Variants in BABAM2 observed in about 807,000 individuals in gnomAD.
The protein encoded by BABAM2 is BRISC and BRCA1 A complex member 2, also known as BRISC and BRCA1-A complex member 2.
Under a neutral mutation model 54.7 loss-of-function variants are expected in BABAM2, and 31 were observed. The observed-to-expected ratio is 0.57, with a 90% CI of 0.43 to 0.77. BABAM2 has a LOEUF of 0.77. BABAM2 is among the 30% of genes least tolerant of loss of function. The probability of loss-of-function intolerance (pLI) is 0.00; values close to 1 mark genes in which losing one functional copy is unlikely to be tolerated. For synonymous variants in BABAM2, 167 were observed against 162.9 expected, an observed-to-expected ratio of 1.03 and a Z score of -0.19; for missense variants, 364 against 455.8, an observed-to-expected ratio of 0.80 and a Z score of 1.83.
intron 3 of BABAM2, among the ~76,000 whole-genome samples, chr2:27,968,594 G>A (rs138345241): frequency 2.4e-3 from 363 of 152,290 alleles, no homozygotes; most frequent in African/African-American, 8.2e-3. Flanking sequence ...CCCCAGAATG[G>A]TAGATCCACT....
intron 11 of BABAM2, among the ~76,000 whole-genome samples, chr2:28,299,325 A>G (rs917647641): frequency 5.9e-5 from 9 of 152,246 alleles, no homozygotes; most frequent in Admixed American, 3.3e-4. Context: ...ATATAGAAAT[A>G]TGCTGAGTGT....
At chr2:28,201,014 T>C (rs999013493) in intron 7 of BABAM2, among the ~76,000 whole-genome samples, 24 of 152,140 alleles carry the variant, frequency 1.6e-4, no homozygotes, top group South Asian at 2.1e-4. Flanking sequence ...CAAGTGATCC[T>C]CCCACCTCGG....
At chr2:28,187,419 CAGG>C (rs1676429469) in intron 7 of BABAM2, among the ~76,000 whole-genome samples, 1 of 152,134 alleles carries the variant, frequency 6.6e-6, no homozygotes, top group Non-Finnish European at 1.5e-5. Flanking sequence ...TGAGTGAGTG[CAGG>C]AGAAGTTGTA....
At chr2:28,092,345 G>A (rs1025571633) in intron 6 of BABAM2, among the ~76,000 whole-genome samples, 2 of 152,100 alleles carry the variant, frequency 1.3e-5, no homozygotes, top group Non-Finnish European at 2.9e-5. Flanking sequence ...AGATTGCTAG[G>A]ACAAAGAGTG....
chr2:28,261,794 C>T (rs1377910901), intron 10 of BABAM2, among the ~76,000 whole-genome samples: 1 of 138,664 alleles, frequency 7.2e-6, no homozygotes, highest in Non-Finnish European at 1.6e-5. Flanking sequence ...CCCTTCCCTT[C>T]CCTCCCTTCC....
At chr2:28,077,981 G>A (rs1026867835) in intron 6 of BABAM2, among the ~76,000 whole-genome samples, 1 of 151,970 alleles carries the variant, frequency 6.6e-6, no homozygotes, top group African/African-American at 2.4e-5. Context: ...TCCACTTTCT[G>A]GGATTTCAGT....
intron 7 of BABAM2, among the ~76,000 whole-genome samples, chr2:28,221,359 A>G (rs974344553): frequency 3.3e-5 from 5 of 152,192 alleles, no homozygotes; most frequent in Non-Finnish European, 7.3e-5. Flanking sequence ...GCAGGGGGGA[A>G]ACATGATTTA....
intron 7 of BABAM2, among the ~76,000 whole-genome samples, chr2:28,150,068 A>G (rs781774646): frequency 4.6e-5 from 7 of 152,216 alleles, no homozygotes; most frequent in Non-Finnish European, 7.3e-5. Flanking sequence ...AGAGAAGGAA[A>G]CTAATTTCTA....
chr2:28,325,022 G>A lies in BABAM2; in HGVS notation c.1089-13428G>A, dbSNP rs918102975. ...TTTTTTTTTTAACCACAATCTACAA[G>A]ATATTTTACATTTGAATCCAGTATA... On this transcript the variant is annotated intron_variant, in intron 11 of 11. Transcript: ENST00000379624. This position sits in a 1 kb window ranked among gnomAD's most constrained non-coding sequence, Gnocchi z 4.3. Among the ~76,000 whole-genome samples, 11 of 151,620 alleles carry A rather than the reference G, an allele frequency of 7.3e-5. No individual in the cohort carries two copies. Among genetic ancestry groups the A allele is most frequent in the African/African-American group, 2.4e-4 (10 of 41,212 alleles).
At chr2:28,194,912 T>C (rs1677353419) in intron 7 of BABAM2, among the ~76,000 whole-genome samples, 1 of 152,144 alleles carries the variant, frequency 6.6e-6, no homozygotes, top group African/African-American at 2.4e-5. Flanking sequence ...GCCAGCCTGG[T>C]CTTGAATTCC....
At chr2:28,038,453 GT>G in intron 5 of BABAM2, among the ~76,000 whole-genome samples, 1 of 152,296 alleles carries the variant, frequency 6.6e-6, no homozygotes, top group Non-Finnish European at 1.5e-5. Flanking sequence ...TGATGTTAAG[GT>G]TTTGGTTTCT....
intron 4 of BABAM2, among the ~76,000 whole-genome samples, chr2:28,013,174 C>T (rs529323601): frequency 6.6e-6 from 1 of 152,214 alleles, no homozygotes; most frequent in African/African-American, 2.4e-5. Flanking sequence ...GATACTTTTG[C>T]ATGTTTTAGG....
At chr2:28,179,100 G>A (rs1237615689) in intron 7 of BABAM2, among the ~76,000 whole-genome samples, 2 of 152,074 alleles carry the variant, frequency 1.3e-5, no homozygotes, top group East Asian at 1.9e-4. Flanking sequence ...ACTATTCCAA[G>A]AAACTGAAGA....
intron 6 of BABAM2, among the ~76,000 whole-genome samples, chr2:28,125,387 G>A (rs1204816418): frequency 1.3e-5 from 2 of 151,828 alleles, no homozygotes; most frequent in Admixed American, 6.6e-5. Flanking sequence ...TCCGCCTCCC[G>A]GGTTCAAGCA....
At chr2:27,996,410 T>C (rs1410738974) in intron 4 of BABAM2, 1 of 154,896 alleles carries the variant, frequency 6.5e-6, no homozygotes, top group Admixed American at 6.5e-5. Flanking sequence ...GAGTGGCCAG[T>C]GTTCCTAAAC....
At chr2:27,913,962 T>C (rs1484882949) in intron 2 of BABAM2, among the ~76,000 whole-genome samples, 4 of 152,190 alleles carry the variant, frequency 2.6e-5, no homozygotes, top group East Asian at 3.8e-4. Flanking sequence ...CAAGAAAATA[T>C]CATTTACCAT....
chr2:28,102,229 C>T (rs1667145330), intron 6 of BABAM2, among the ~76,000 whole-genome samples: 1 of 152,168 alleles, frequency 6.6e-6, no homozygotes, highest in South Asian at 2.1e-4. Context: ...CGCTTTTTCA[C>T]TGTGCTTGGG....
chr2:28,053,454 A>G (rs1447594829), intron 6 of BABAM2, among the ~76,000 whole-genome samples: 1 of 152,200 alleles, frequency 6.6e-6, no homozygotes, highest in African/African-American at 2.4e-5. Context: ...ACTTTTCTAA[A>G]AGTAGGAAGG....
At chr2:28,112,980 G>C (rs1338218250) in intron 6 of BABAM2, among the ~76,000 whole-genome samples, 2 of 151,938 alleles carry the variant, frequency 1.3e-5, no homozygotes, top group Admixed American at 6.6e-5. Context: ...TTTCATGTTT[G>C]TTGGCCACAT....
Sources: gnomAD v4.1 joint callset for allele counts (sites outside exome capture counted in the v4.1 genomes callset) on GRCh38, gnomAD v4.1.1 for gene constraint, Gnocchi (gnomAD v3.1) non-coding constraint, MANE v1.5 for transcripts, NCBI Gene and HGNC (gene_info 2026-07-23, HGNC 2026-07-21) for gene names.